The following DNAH17 variants were observed in gnomAD, a reference collection of about 807,000 sequenced individuals.
DNAH17 encodes axonemal beta dynein heavy chain 17.
In DNAH17, 376 loss-of-function variants were observed where a neutral mutation model predicts 485.6. The observed-to-expected ratio is 0.77, with a 90% CI of 0.71 to 0.84. The LOEUF (loss-of-function observed/expected upper bound fraction) is 0.84. Ranked by LOEUF, DNAH17 falls within the 40% of genes least tolerant of loss-of-function variation. The pLI is 0.00. For missense variants in DNAH17, 6,370 were observed against 5,839.3 expected (o/e 1.09, Z -2.96); for synonymous variants, 3,031 against 2,405.9 (o/e 1.26, Z -7.60).
intron 71 of DNAH17, 112 bp from the exon 72 acceptor site, chr17:78,441,311 C>G (rs576870528): frequency 1.6e-6 from 2 of 1,225,258 alleles, no homozygotes; most frequent in Admixed American, 4.7e-5. Context: ...GGACTTTCTT[C>G]AGCGGGACAA....
chr17:78,553,294 T>TCG (rs2091947226), intron 14 of DNAH17, among the ~76,000 whole-genome samples: 3 of 42,808 alleles, frequency 7.0e-5, no homozygotes, highest in African/African-American at 2.4e-4. Context: ...TTTTTTTTTT[T>TCG]TTTTTTTTTT....
At chr17:78,558,555 G>A (rs142720396) in intron 13 of DNAH17, among the ~76,000 whole-genome samples, 5 of 152,316 alleles carry the variant, frequency 3.3e-5, no homozygotes, top group East Asian at 1.9e-4. Flanking sequence ...CATTGCATGT[G>A]TATGACATCA....
intron 25 of DNAH17, among the ~76,000 whole-genome samples, chr17:78,519,911 A>C (rs1476358136): frequency 1.3e-5 from 2 of 152,158 alleles, no homozygotes; most frequent in Admixed American, 6.6e-5. Context: ...GGAGTTTGAG[A>C]CCAGCCTGAC....
At position 78,485,536 on chromosome 17, in the gene DNAH17, C is replaced by T. The variant is rs779269332; in HGVS notation, c.7483+14G>A. 53 of 1,578,538 alleles carry T rather than the reference C, an allele frequency of 3.4e-5. No homozygotes were observed. The highest frequency in any genetic ancestry group is 3.9e-5 in the Non-Finnish European group (45 of 1,163,786). On this transcript the variant is annotated intron_variant, in intron 47 of 80. Coordinates refer to ENST00000389840, the MANE Select transcript of DNAH17 (RefSeq NM_173628.4). ...GGCAGCCGGGTAGGCAGGGCGTGGC[C>T]GGACCAGCCTCACCCTGCAGCATGG...
intron 27 of DNAH17, among the ~76,000 whole-genome samples, chr17:78,509,404 C>A (rs1598614316): frequency 6.6e-6 from 1 of 152,158 alleles, no homozygotes; most frequent in Admixed American, 6.5e-5. Context: ...TAGGCAGGAG[C>A]CCCCACCCTC....
rs151326756 is a variant in DNAH17, at chr17:78,463,370, GCA to G, written c.8941-295_8941-294del. On this transcript the variant is annotated intron_variant, in intron 56 of 80. Coordinates refer to ENST00000389840, the MANE Select transcript of DNAH17 (RefSeq NM_173628.4). ...CATGCATACACACACACGTATATGT[GCA>G]CATTCACATACCTGCATATATACGC... 5.6e-4 allele frequency among the ~76,000 whole-genome samples: 85 copies of G among 152,236 alleles called. 1 individual carries two copies. The East Asian group carries it at 0.012, about 22-fold the overall frequency.
rs768213487 is a variant in DNAH17, at chr17:78,485,567, G to A, written c.7466C>T (p.Thr2489Ile). 1.2e-6 allele frequency: 2 copies of A among 1,611,986 alleles called. No individual in the cohort carries two copies. The highest frequency in any genetic ancestry group is 1.7e-6 in the Non-Finnish European group (2 of 1,179,166). Residue 2489 changes from threonine to isoleucine, a missense_variant, in exon 47 of 81, where the codon ACC becomes ATC. Physicochemically the swap from Thr to Ile is moderately conservative, Grantham distance 89. Transcript: ENST00000389840. ...VQAVPFNFYT[T>I]SAMLQGVLEK... is the part of the protein sequence containing the mutation. ...AGCCTCACCCTGCAGCATGGCTGAG[G>A]TCGTGTAGAAGTTGAAGGGCACAGC...
Position 78,571,789 on chromosome 17 carries a change from A to T in DNAH17, c.540-7T>A. 6.4e-7 allele frequency: 1 copy of T among 1,569,032 alleles called. No homozygotes were observed. ...GTCCAGTGAAGAGGGGATCCTGCCCAGTGGAAGGTTGGGGCATTGCTCTCA... is the reference window on the plus strand; with the variant it reads ...GTCCAGTGAAGAGGGGATCCTGCCCTGTGGAAGGTTGGGGCATTGCTCTCA... On this transcript the variant is annotated splice_region_variant and splice_polypyrimidine_tract_variant and intron_variant, in intron 3 of 80. Transcript: ENST00000389840.
At chr17:78,567,722 CCTGA>C (rs1164348333) in intron 9 of DNAH17, among the ~76,000 whole-genome samples, 4 of 152,142 alleles carry the variant, frequency 2.6e-5, no homozygotes, top group Non-Finnish European at 4.4e-5. Flanking sequence ...TGAAGCGCTC[CCTGA>C]CTATTTTGGC....
intron 61 of DNAH17, 21 bp downstream of exon 61, chr17:78,458,980 C>G (rs566644664): frequency 6.2e-7 from 1 of 1,613,112 alleles, no homozygotes; most frequent in Non-Finnish European, 8.5e-7. Context: ...TTCGCAGGGA[C>G]GGGAGCGAGC....
intron 18 of DNAH17, among the ~76,000 whole-genome samples, chr17:78,538,618 CA>C (rs2091440976): frequency 6.6e-6 from 1 of 152,212 alleles, no homozygotes; most frequent in African/African-American, 2.4e-5. Context: ...CTCCTGCCCC[CA>C]GGCTACTCAC....
chr17:78,433,911 G>T (rs1049773555), intron 75 of DNAH17, 118 bp downstream of exon 75: 4 of 780,166 alleles, frequency 5.1e-6, no homozygotes, highest in Non-Finnish European at 7.6e-6. Context: ...AGACCAAAAG[G>T]AAAGGGAGGG....
intron 24 of DNAH17, among the ~76,000 whole-genome samples, chr17:78,526,191 C>A (rs1244618625): frequency 6.6e-6 from 1 of 152,186 alleles, no homozygotes; most frequent in Non-Finnish European, 1.5e-5. Context: ...ACAGTGGGAA[C>A]AGAGTGGGAA....
rs77860751 is a variant in DNAH17 at position 78,516,132 on chromosome 17, C to T, written c.3865-1110G>A. Among the ~76,000 whole-genome samples, 232 of 147,198 alleles carry T rather than the reference C, an allele frequency of 1.6e-3. 1 individual carries two copies. The highest frequency in any genetic ancestry group is 5.6e-3 in the African/African-American group (223 of 39,868). The stretch of plus-strand genomic sequence containing the variant: ...TCACAAGATGTTTGCCTTGAAGATA[C>T]GATGATTTGAAACCTTAATCTACAC... On this transcript the variant is annotated intron_variant, in intron 25 of 80. Coordinates refer to ENST00000389840, the MANE Select transcript of DNAH17 (RefSeq NM_173628.4).
chr17:78,429,522 T>C (rs552875964), intron 75 of DNAH17, among the ~76,000 whole-genome samples: 1 of 152,312 alleles, frequency 6.6e-6, no homozygotes, highest in South Asian at 2.1e-4. Context: ...CCGGCCCCTT[T>C]GGCTTCTCTC....
chr17:78,565,959 A>G (rs2092257822), intron 11 of DNAH17, among the ~76,000 whole-genome samples: 1 of 151,490 alleles, frequency 6.6e-6, no homozygotes. Flanking sequence ...TCAAAAAACA[A>G]ACAAACAACA....
chr17:78,557,890 G>A (rs991882826), intron 14 of DNAH17, among the ~76,000 whole-genome samples: 10 of 151,806 alleles, frequency 6.6e-5, no homozygotes, highest in Admixed American at 1.3e-4. Flanking sequence ...AGAACAGGAC[G>A]GCAGGACAGA....
At chr17:78,495,278 C>A (rs531561490) in intron 38 of DNAH17, among the ~76,000 whole-genome samples, 181 bp from the exon 39 acceptor site, 1 of 152,154 alleles carries the variant, frequency 6.6e-6, no homozygotes, top group East Asian at 1.9e-4. Flanking sequence ...CCTCCTCCTC[C>A]CACATCATCC....
chr17:78,486,300 G>C lies in DNAH17; in HGVS notation c.7025C>G (p.Ser2342Cys). The change falls in exon 45 of 81, where the codon TCC (serine) becomes TGC (cysteine). Residue 2342 changes from serine (S) to cysteine (C), a missense_variant. Transcript: ENST00000389840. ...LLTEKTVPPDSPRELYELYFV... is the reference protein window; with the variant it reads ...LLTEKTVPPDCPRELYELYFV... ...GTACAGCTCGTACAGCTCCCTGGGG[G>C]AGTCGGGGGGCACGGTCTTCTCCGT... The C allele has an allele frequency of 6.2e-7, 1 of 1,612,956 alleles. No homozygotes were observed.
Sources: allele counts gnomAD v4.1 joint callset (sites outside exome capture counted in the v4.1 genomes callset), GRCh38; gene constraint gnomAD v4.1.1; transcripts MANE v1.5; gene names NCBI Gene and HGNC (gene_info 2026-07-23, HGNC 2026-07-21).